The following ADD3 variants were observed in gnomAD, a reference collection of about 807,000 sequenced individuals.
The protein encoded by ADD3 is adducin 3, also known as gamma-adducin.
In ADD3, 25 loss-of-function variants were observed where a neutral mutation model predicts 80.2. That is an observed-to-expected ratio of 0.31 (90% confidence interval 0.23 to 0.44). ADD3 has a LOEUF of 0.44. Ranked by LOEUF, ADD3 falls within the 20% of genes least tolerant of loss-of-function variation. The pLI is 1.00. For missense variants in ADD3, 829 were observed against 847.5 expected (o/e 0.98, Z 0.27); for synonymous variants, 284 against 289.6 (o/e 0.98, Z 0.20).
At chr10:110,123,095 T>TACCA (rs1851720373) in intron 9 of ADD3, among the ~76,000 whole-genome samples, 1 of 152,264 alleles carries the variant, frequency 6.6e-6, no homozygotes, top group South Asian at 2.1e-4. Context: ...ATGTTGTATA[T>TACCA]ACCACATTTA....
At chr10:110,018,152 A>G (rs1237421051) in intron 1 of ADD3, among the ~76,000 whole-genome samples, 3 of 151,990 alleles carry the variant, frequency 2.0e-5, no homozygotes, top group Non-Finnish European at 2.9e-5. Context: ...ACAATGCAAA[A>G]TATGTTACTT....
In ADD3 at chr10:110,011,574, G is replaced by A. The variant is rs561235249; in HGVS notation, c.-30+3275G>A. On this transcript the variant is annotated intron_variant, in intron 1 of 14. Coordinates refer to ENST00000356080, the MANE Select transcript of ADD3 (RefSeq NM_016824.5). ...TAATCTGTTTCTCACACTAAACACTGTTTTTGTTATAATTAGTGCTTTTCA... is the reference window on the plus strand; with the variant it reads ...TAATCTGTTTCTCACACTAAACACTATTTTTGTTATAATTAGTGCTTTTCA... Among the ~76,000 whole-genome samples, 39 of 152,224 alleles carry A rather than the reference G, an allele frequency of 2.6e-4. No individual in the cohort carries two copies. In the South Asian group the frequency reaches 3.5e-3, roughly 14 times the overall value.
At chr10:110,019,797 CTA>C (rs1853454479) in intron 1 of ADD3, among the ~76,000 whole-genome samples, 1 of 152,064 alleles carries the variant, frequency 6.6e-6, no homozygotes, top group Admixed American at 6.6e-5. Context: ...GCCAAGAAAC[CTA>C]TGATTGTACT....
chr10:110,116,174 C>A, intron 3 of ADD3, 85 bp from the exon 4 acceptor site: 2 of 1,364,866 alleles, frequency 1.5e-6, no homozygotes, highest in Non-Finnish European at 2.0e-6. Flanking sequence ...GGGATACTCC[C>A]AGACGCAGGC....
At chr10:110,047,942 G>A (rs1857077836) in intron 1 of ADD3, among the ~76,000 whole-genome samples, 1 of 152,180 alleles carries the variant, frequency 6.6e-6, no homozygotes, top group African/African-American at 2.4e-5. Flanking sequence ...TTAGCTAAGT[G>A]TAATATGAAA....
intron 5 of ADD3, among the ~76,000 whole-genome samples, chr10:110,118,195 T>G (rs970619208): frequency 6.6e-6 from 1 of 152,208 alleles, no homozygotes; most frequent in Non-Finnish European, 1.5e-5. Context: ...TGACAGGAGC[T>G]ACCTTGGTTC....
chr10:110,024,665 A>G (rs2122516), intron 1 of ADD3, among the ~76,000 whole-genome samples: 3 of 152,240 alleles, frequency 2.0e-5, no homozygotes, highest in Non-Finnish European at 2.9e-5. Flanking sequence ...TAAGTGTTAG[A>G]TGTTTAAAAT....
chr10:110,090,175 C>G (rs1292385767), intron 1 of ADD3, among the ~76,000 whole-genome samples: 3 of 151,104 alleles, frequency 2.0e-5, no homozygotes, highest in African/African-American at 7.4e-5. Flanking sequence ...TTTGAATCAC[C>G]CTGTTGAATG....
chr10:110,116,065 C>G (rs753280079), intron 3 of ADD3, among the ~76,000 whole-genome samples, 194 bp from the exon 4 acceptor site: 2 of 152,136 alleles, frequency 1.3e-5, no homozygotes, highest in Non-Finnish European at 2.9e-5. Context: ...TCAAAGATAG[C>G]TGATACTTAT....
chr10:110,114,814 A>G (rs1449159712), intron 3 of ADD3, among the ~76,000 whole-genome samples: 1 of 152,170 alleles, frequency 6.6e-6, no homozygotes, highest in Non-Finnish European at 1.5e-5. Context: ...ACAGTGGCTC[A>G]TGTCTGTAAT....
intron 1 of ADD3, among the ~76,000 whole-genome samples, chr10:110,067,172 A>G (rs1844057328): frequency 6.6e-6 from 1 of 152,256 alleles, no homozygotes; most frequent in Non-Finnish European, 1.5e-5. Context: ...TTAATAAATC[A>G]TCTATAAAAA....
intron 1 of ADD3, among the ~76,000 whole-genome samples, chr10:110,000,011 C>T (rs1363638217): frequency 6.6e-6 from 1 of 151,620 alleles, no homozygotes; most frequent in East Asian, 1.9e-4. Flanking sequence ...CCTCTGCCTC[C>T]TGGGTTCAAG....
At chr10:110,116,680 A>C (rs997904133) in intron 4 of ADD3, among the ~76,000 whole-genome samples, 3 of 152,180 alleles carry the variant, frequency 2.0e-5, no homozygotes, top group Non-Finnish European at 4.4e-5. Context: ...CTTCTGGCAA[A>C]ATTGTCCCTC....
chr10:110,019,249 A>G (rs548421536), intron 1 of ADD3, among the ~76,000 whole-genome samples: 29 of 152,156 alleles, frequency 1.9e-4, no homozygotes, highest in African/African-American at 6.7e-4. Context: ...ATTTGTTCCA[A>G]AGTGTCTCAG....
intron 1 of ADD3, among the ~76,000 whole-genome samples, chr10:110,079,457 AGAGAGT>A (rs1416814889): frequency 0.02 from 2,428 of 120,782 alleles, 18 homozygotes; most frequent in African/African-American, 0.047. Flanking sequence ...AGAGAGAGAG[AGAGAGT>A]GTGTGTGTGT....
intron 1 of ADD3, among the ~76,000 whole-genome samples, chr10:110,073,073 C>T (rs577207229): frequency 4.6e-5 from 7 of 151,318 alleles, no homozygotes; most frequent in South Asian, 2.1e-4. Context: ...AATCACTGTT[C>T]GACTTATCTC....
intron 2 of ADD3, among the ~76,000 whole-genome samples, chr10:110,111,647 G>A (rs1463236754): frequency 6.6e-6 from 1 of 152,196 alleles, no homozygotes; most frequent in East Asian, 1.9e-4. Context: ...CGGGCGCGGT[G>A]GCTCACGCCT....
intron 1 of ADD3, among the ~76,000 whole-genome samples, chr10:110,088,722 C>A (rs769002832): frequency 5.9e-5 from 9 of 152,170 alleles, no homozygotes; most frequent in Non-Finnish European, 8.8e-5. Context: ...AAAATGAACT[C>A]TTGGTAATTA....
chr10:110,101,780 A>G (rs894049471), intron 2 of ADD3, among the ~76,000 whole-genome samples: 4 of 152,212 alleles, frequency 2.6e-5, no homozygotes, highest in Non-Finnish European at 4.4e-5. Flanking sequence ...AAATGAGAGA[A>G]CAGCTTGATT....
Sources: allele counts gnomAD v4.1 joint callset (sites outside exome capture counted in the v4.1 genomes callset), GRCh38; gene constraint gnomAD v4.1.1; transcripts MANE v1.5; gene names NCBI Gene and HGNC (gene_info 2026-07-23, HGNC 2026-07-21).